Variants in NEK7 observed in about 807,000 individuals in gnomAD.
NEK7 encodes the protein serine/threonine-protein kinase Nek7.
A neutral mutation model predicts 44.6 loss-of-function variants in NEK7; 18 were observed. That is an observed-to-expected ratio of 0.40 (90% CI 0.28 to 0.60). NEK7 has a LOEUF of 0.60. NEK7 is among the 20% of genes least tolerant of loss of function. The pLI is 0.38. For synonymous variants in NEK7, 130 were observed against 121.1 expected (o/e 1.07, Z -0.48); for missense variants, 256 against 366.5 (o/e 0.70, Z 2.46).
At chr1:198,243,912 T>G (rs371359003) in intron 2 of NEK7, among the ~76,000 whole-genome samples, 1 of 146,944 alleles carries the variant, frequency 6.8e-6, no homozygotes, top group African/African-American at 2.7e-5. Context: ...TATTTGCCTT[T>G]TTTGGTTTCC....
intron 4 of NEK7, 107 bp from the exon 5 acceptor site, chr1:198,264,018 C>A: frequency 8.5e-7 from 1 of 1,172,156 alleles, no homozygotes; most frequent in Non-Finnish European, 1.1e-6. Context: ...GTTAAGATTT[C>A]TGTAATTTAA....
intron 9 of NEK7, among the ~76,000 whole-genome samples, chr1:198,316,448 A>G (rs1236569962): frequency 1.3e-5 from 2 of 152,206 alleles, no homozygotes; most frequent in African/African-American, 4.8e-5. Flanking sequence ...CTGTGTGGGT[A>G]TCGATACCTC....
intron 1 of NEK7, among the ~76,000 whole-genome samples, chr1:198,191,562 T>C (rs1205188455): frequency 2.0e-5 from 3 of 152,074 alleles, no homozygotes; most frequent in African/African-American, 7.2e-5. Context: ...TTCTTTTTAT[T>C]GATCTGTGAC....
intron 3 of NEK7, among the ~76,000 whole-genome samples, chr1:198,258,744 A>T (rs1347308017): frequency 2.6e-5 from 4 of 152,178 alleles, no homozygotes; most frequent in Non-Finnish European, 5.9e-5. Flanking sequence ...CCTTGCTCTT[A>T]CCAAGTATAA....
At chr1:198,315,405 T>C (rs1476382667) in intron 9 of NEK7, among the ~76,000 whole-genome samples, 1 of 152,218 alleles carries the variant, frequency 6.6e-6, no homozygotes, top group Non-Finnish European at 1.5e-5. Context: ...TCTGCGTCGC[T>C]TACGCTGGGA....
At chr1:198,265,839 T>C (rs1653634979) in intron 5 of NEK7, among the ~76,000 whole-genome samples, 2 of 152,076 alleles carry the variant, frequency 1.3e-5, no homozygotes, top group African/African-American at 4.8e-5. Context: ...TGCCTTTAAA[T>C]AGATGGATGG....
At chr1:198,222,882 G>T (rs1666109433) in intron 1 of NEK7, among the ~76,000 whole-genome samples, 1 of 151,666 alleles carries the variant, frequency 6.6e-6, no homozygotes, top group African/African-American at 2.4e-5. Flanking sequence ...CAAGCGGGGG[G>T]TGGGGGTGGA....
At position 198,229,355 on chromosome 1, in the gene NEK7, T is replaced by C. The variant is rs542556638; in HGVS notation, c.-28-3198T>C. On this transcript the variant is annotated intron_variant, in intron 1 of 9. Transcript: ENST00000367385. ...TTATGCTTTGTAATATTCTTTATAATAGACTGGTAAACGTATTTCCCCTCC... is the reference window on the plus strand; with the variant it reads ...TTATGCTTTGTAATATTCTTTATAACAGACTGGTAAACGTATTTCCCCTCC... 2.0e-5 allele frequency among the ~76,000 whole-genome samples: 3 copies of C among 152,274 alleles called. No homozygotes were observed. The East Asian group carries it at 5.8e-4, about 29-fold the overall frequency.
chr1:198,317,722 C>G (rs1430002618), intron 9 of NEK7, among the ~76,000 whole-genome samples: 1 of 151,976 alleles, frequency 6.6e-6, no homozygotes, highest in Admixed American at 6.6e-5. Flanking sequence ...GTTATCTTTT[C>G]CTGCTATTCT....
chr1:198,283,495 C>A (rs933450804), intron 7 of NEK7, among the ~76,000 whole-genome samples: 2 of 151,950 alleles, frequency 1.3e-5, no homozygotes, highest in Non-Finnish European at 2.9e-5. Context: ...TTATCCTCCT[C>A]CCACCTTCAC....
At chr1:198,211,579 GA>G (rs537883445) in intron 1 of NEK7, among the ~76,000 whole-genome samples, 66 of 152,172 alleles carry the variant, frequency 4.3e-4, no homozygotes, top group Non-Finnish European at 7.6e-4. Context: ...ATATTTTTAG[GA>G]GACAATTTTA....
chr1:198,286,420 C>T (rs553791792), intron 7 of NEK7, among the ~76,000 whole-genome samples: 9 of 143,306 alleles, frequency 6.3e-5, no homozygotes, highest in African/African-American at 2.4e-4. Flanking sequence ...TTAGAGGTCA[C>T]ACTTTTTTTT....
chr1:198,232,036 T>A (rs1304221798), intron 1 of NEK7, among the ~76,000 whole-genome samples: 1 of 152,150 alleles, frequency 6.6e-6, no homozygotes, highest in Non-Finnish European at 1.5e-5. Flanking sequence ...AATTAATGGA[T>A]GAAATGCTTT....
intron 5 of NEK7, among the ~76,000 whole-genome samples, chr1:198,271,905 T>TTTTATATATATA (rs751259588): frequency 3.0e-4 from 42 of 141,382 alleles, no homozygotes; most frequent in East Asian, 2.4e-3. Context: ...AATTTATATT[T>TTTTATATATATA]TATATATATA....
At chr1:198,253,481 A>T (rs1478765613) in intron 3 of NEK7, among the ~76,000 whole-genome samples, 1 of 152,150 alleles carries the variant, frequency 6.6e-6, no homozygotes, top group Non-Finnish European at 1.5e-5. Flanking sequence ...ATTTAACTAG[A>T]TGTTGAATAC....
At chr1:198,159,714 G>A (rs959308655) in intron 1 of NEK7, among the ~76,000 whole-genome samples, 6 of 152,014 alleles carry the variant, frequency 3.9e-5, no homozygotes, top group African/African-American at 1.2e-4. Context: ...TTCCTGTCTG[G>A]ACAATTTCGA....
In NEK7 at chr1:198,211,742, G is replaced by A. The variant is rs1482014653; in HGVS notation, c.-28-20811G>A. 5.3e-5 allele frequency among the ~76,000 whole-genome samples: 8 copies of A among 152,280 alleles called. 2 individuals carry two copies. The highest frequency in any genetic ancestry group is 5.2e-4 in the Admixed American group (8 of 15,302). On this transcript the variant is annotated intron_variant, in intron 1 of 9. Coordinates refer to ENST00000367385, the MANE Select transcript of NEK7 (RefSeq NM_133494.3). Reference sequence around the variant, plus strand: ...TTTTTGGCAAGATGGCGGACTGGAGGCATCGTTAGCATGCCTTTTCCACTT... The same window carrying A: ...TTTTTGGCAAGATGGCGGACTGGAGACATCGTTAGCATGCCTTTTCCACTT...
intron 1 of NEK7, among the ~76,000 whole-genome samples, chr1:198,184,672 A>AAT (rs1286213926): frequency 1.3e-5 from 2 of 151,958 alleles, no homozygotes; most frequent in African/African-American, 2.4e-5. Context: ...ATGAAATCAC[A>AAT]ATATATATAT....
At chr1:198,227,060 T>C (rs1026730850) in intron 1 of NEK7, among the ~76,000 whole-genome samples, 1 of 152,052 alleles carries the variant, frequency 6.6e-6, no homozygotes, top group African/African-American at 2.4e-5. Context: ...GATGTTCCCC[T>C]TCCTGTGTCC....
Sources: gnomAD v4.1 joint callset for allele counts (sites outside exome capture counted in the v4.1 genomes callset) on GRCh38, gnomAD v4.1.1 for gene constraint, MANE v1.5 for transcripts, NCBI Gene and HGNC (gene_info 2026-07-23, HGNC 2026-07-21) for gene names.